The following ZC3H12B variants were observed in gnomAD, a reference collection of about 807,000 sequenced individuals.
The protein encoded by ZC3H12B is probable ribonuclease ZC3H12B.
A neutral mutation model predicts 43.9 loss-of-function variants in ZC3H12B; 7 were observed. The observed-to-expected ratio is 0.16, with a 90% CI of 0.09 to 0.30. The LOEUF is 0.30. Among genes scored for constraint, ZC3H12B ranks in the 10% least tolerant of loss-of-function variants. The pLI is 1.00. For synonymous variants in ZC3H12B, 222 were observed against 241.7 expected, an observed-to-expected ratio of 0.92 and a Z score of 0.76; for missense variants, 475 against 670.2, an observed-to-expected ratio of 0.71 and a Z score of 3.22.
At chrX:65,366,749 G>T (rs766032771) in exon 1 of ZC3H12B, 2 of 111,896 alleles carry the variant, frequency 1.8e-5, no homozygotes, top group African/African-American at 6.5e-5. Flanking sequence ...CCTTCATCCT[G>T]GTTACACAGG....
At chrX:65,392,934 T>G (rs2066645378) in intron 2 of ZC3H12B, among the ~76,000 whole-genome samples, 1 of 112,532 alleles carries the variant, frequency 8.9e-6, no homozygotes, top group Admixed American at 9.4e-5. Flanking sequence ...GCTGTTAATG[T>G]ATAACCTTAC....
the ZC3H12B span, among the ~76,000 whole-genome samples, chrX:65,261,288 C>G: frequency 1.8e-5 from 2 of 111,534 alleles, no homozygotes; most frequent in South Asian, 7.5e-4. Flanking sequence ...TCATTTGGGA[C>G]CTTGCACAGA....
chrX:65,035,012 C>T, the ZC3H12B span, among the ~76,000 whole-genome samples: 1 of 112,486 alleles, frequency 8.9e-6, no homozygotes, highest in African/African-American at 3.2e-5. Flanking sequence ...GGGTCCGGGC[C>T]GCTGGGCGAG....
At chrX:65,086,046 C>CTT in the ZC3H12B span, among the ~76,000 whole-genome samples, 143 of 92,429 alleles carry the variant, frequency 1.5e-3, 2 homozygotes, top group African/African-American at 4.5e-3. Context: ...CTAATAATGT[C>CTT]TTTTTTTTTT....
chrX:65,239,202 C>T, the ZC3H12B span, among the ~76,000 whole-genome samples: 60 of 110,562 alleles, frequency 5.4e-4, 1 homozygote, highest in Middle Eastern at 9.3e-3. Flanking sequence ...ATTGTGTGTG[C>T]GTCTAAGTCT....
At chrX:65,371,349 C>G (rs1237873589) in intron 2 of ZC3H12B, among the ~76,000 whole-genome samples, 2 of 111,302 alleles carry the variant, frequency 1.8e-5, no homozygotes, top group African/African-American at 6.5e-5. Context: ...AATTGAGCCT[C>G]AAGGATGTTA....
the ZC3H12B span, among the ~76,000 whole-genome samples, chrX:65,252,174 TC>T: frequency 4.5e-5 from 5 of 112,100 alleles, no homozygotes; most frequent in Non-Finnish European, 9.4e-5. Flanking sequence ...AAAGGCCTTT[TC>T]TGCATCTATT....
At chrX:65,435,644 G>GATA (rs2067210519) in intron 3 of ZC3H12B, among the ~76,000 whole-genome samples, 1 of 94,364 alleles carries the variant, frequency 1.1e-5, no homozygotes, top group African/African-American at 3.9e-5. Context: ...AGAACCAATA[G>GATA]GATAGATAGA....
At chrX:65,353,783 G>T in the ZC3H12B span, among the ~76,000 whole-genome samples, 1 of 111,344 alleles carries the variant, frequency 9.0e-6, no homozygotes, top group Admixed American at 9.5e-5. Context: ...TGTGGGGAGG[G>T]GTGTCCACCA....
At chrX:65,064,245 G>T in the ZC3H12B span, among the ~76,000 whole-genome samples, 1 of 111,456 alleles carries the variant, frequency 9.0e-6, no homozygotes, top group Admixed American at 9.5e-5. Context: ...TGTGATGTTA[G>T]GGTGTTGATT....
intron 3 of ZC3H12B, among the ~76,000 whole-genome samples, chrX:65,400,276 G>C (rs1211770740): frequency 9.0e-6 from 1 of 111,444 alleles, no homozygotes; most frequent in Non-Finnish European, 1.9e-5. Flanking sequence ...CATAGAGCTG[G>C]CTATGAGAAA....
At chrX:65,216,390 A>G in the ZC3H12B span, among the ~76,000 whole-genome samples, 1 of 111,396 alleles carries the variant, frequency 9.0e-6, no homozygotes, top group Non-Finnish European at 1.9e-5. Context: ...AACACTGGGC[A>G]GAACTTTGCT....
At chrX:65,229,623 G>T in the ZC3H12B span, among the ~76,000 whole-genome samples, 1 of 106,223 alleles carries the variant, frequency 9.4e-6, no homozygotes, top group East Asian at 3.0e-4. Context: ...GAAAATTTTC[G>T]CAACCTACTC....
chrX:65,392,011 C>T (rs1192028108), intron 2 of ZC3H12B, among the ~76,000 whole-genome samples: 3 of 111,866 alleles, frequency 2.7e-5, no homozygotes, highest in Non-Finnish European at 5.6e-5. Context: ...GAGTGATCTG[C>T]CTGCCTCAGC....
the ZC3H12B span, among the ~76,000 whole-genome samples, chrX:65,334,385 C>T: frequency 8.9e-6 from 1 of 112,118 alleles, no homozygotes; most frequent in African/African-American, 3.2e-5. Context: ...AATCCTTTAA[C>T]CCTTTAATAT....
chrX:65,105,299 T>C, the ZC3H12B span, among the ~76,000 whole-genome samples: 1 of 110,910 alleles, frequency 9.0e-6, no homozygotes, highest in Non-Finnish European at 1.9e-5. Context: ...AAATATCTAG[T>C]GCATGTGGGG....
chrX:65,157,244 A>T, the ZC3H12B span, among the ~76,000 whole-genome samples: 1 of 111,479 alleles, frequency 9.0e-6, no homozygotes, highest in Non-Finnish European at 1.9e-5. Context: ...GCCTTCCAAT[A>T]TGCTGAGATT....
At chrX:65,116,738 TCA>T in the ZC3H12B span, among the ~76,000 whole-genome samples, 1 of 108,608 alleles carries the variant, frequency 9.2e-6, no homozygotes, top group African/African-American at 3.4e-5. Flanking sequence ...ACAACAGGCC[TCA>T]GTGTGTGATG....
At chrX:65,194,405 T>TA in the ZC3H12B span, among the ~76,000 whole-genome samples, 3 of 109,481 alleles carry the variant, frequency 2.7e-5, no homozygotes, top group East Asian at 2.9e-4. Flanking sequence ...AATAATAAAA[T>TA]AAAAAAATAA....
Sources: allele counts gnomAD v4.1 joint callset (sites outside exome capture counted in the v4.1 genomes callset), GRCh38; gene constraint gnomAD v4.1.1; transcripts MANE v1.5; gene names NCBI Gene and HGNC (gene_info 2026-07-23, HGNC 2026-07-21).